The following TRABD2B variants were observed in gnomAD, a reference collection of about 807,000 sequenced individuals.
TRABD2B encodes TraB domain containing 2B.
TRABD2B carries 14 observed loss-of-function variants against 40.1 expected under a neutral mutation model. That is an observed-to-expected ratio of 0.35 (90% confidence interval 0.23 to 0.55). The LOEUF is 0.55. Among genes scored for constraint, TRABD2B ranks in the 20% least tolerant of loss-of-function variants. The probability of loss-of-function intolerance (pLI) is 0.90; values close to 1 mark genes in which losing one functional copy is unlikely to be tolerated. For missense variants in TRABD2B, 541 were observed against 648.6 expected, an observed-to-expected ratio of 0.83 and a Z score of 1.80; for synonymous variants, 263 against 277.0, an observed-to-expected ratio of 0.95 and a Z score of 0.50.
chr1:47,863,466 C>T (rs767974308), intron 2 of TRABD2B, among the ~76,000 whole-genome samples: 1 of 146,802 alleles, frequency 6.8e-6, no homozygotes, highest in Non-Finnish European at 1.5e-5. Flanking sequence ...AGACTACTCA[C>T]CAAAGAATGT....
At chr1:47,801,948 AC>A (rs1446081777) in intron 2 of TRABD2B, among the ~76,000 whole-genome samples, 1 of 151,962 alleles carries the variant, frequency 6.6e-6, no homozygotes, top group Non-Finnish European at 1.5e-5. Flanking sequence ...TTTTCTTTTG[AC>A]TCCTTTGTGT....
chr1:47,767,503 G>T (rs1453195216), intron 6 of TRABD2B, among the ~76,000 whole-genome samples: 1 of 152,194 alleles, frequency 6.6e-6, no homozygotes, highest in African/African-American at 2.4e-5. Flanking sequence ...TTAACCTTTG[G>T]ACCTCATGAC....
intron 2 of TRABD2B, among the ~76,000 whole-genome samples, chr1:47,852,570 G>A (rs942427125): frequency 5.3e-5 from 8 of 152,176 alleles, no homozygotes; most frequent in African/African-American, 1.4e-4. Flanking sequence ...AGAACTCTCC[G>A]GGAATGTCAG....
intron 2 of TRABD2B, among the ~76,000 whole-genome samples, chr1:47,814,666 T>C (rs1645006451): frequency 6.6e-6 from 1 of 152,092 alleles, no homozygotes; most frequent in South Asian, 2.1e-4. Flanking sequence ...TGAGCCCCAC[T>C]TGAGGGAGCG....
At chr1:47,780,281 G>A (rs760376349) in intron 4 of TRABD2B, among the ~76,000 whole-genome samples, 2 of 152,156 alleles carry the variant, frequency 1.3e-5, no homozygotes, top group Non-Finnish European at 2.9e-5. Context: ...ACCCTCTAAT[G>A]CCCTCAGTTT....
In TRABD2B at chr1:47,910,784, G is replaced by A. The variant is rs867730168; in HGVS notation, c.666+83250C>T. 2.6e-5 allele frequency among the ~76,000 whole-genome samples: 4 copies of A among 152,102 alleles called. No individual in the cohort carries two copies. The East Asian group carries it at 7.7e-4, about 29-fold the overall frequency. On this transcript the variant is annotated intron_variant, in intron 2 of 6. Transcript: ENST00000606738. ...TAGATTGCTCTTTTACCTGCATGTCGATTCTCTCCTTTTTCCATAGTAATA... is the reference window on the plus strand; with the variant it reads ...TAGATTGCTCTTTTACCTGCATGTCAATTCTCTCCTTTTTCCATAGTAATA...
chr1:47,960,912 T>G (rs2148404280), intron 2 of TRABD2B, among the ~76,000 whole-genome samples: 1 of 152,268 alleles, frequency 6.6e-6, no homozygotes, highest in East Asian at 1.9e-4. Context: ...AAGTCAATCC[T>G]GAGCCAAAAG....
intron 6 of TRABD2B, 65 bp from the exon 7 acceptor site, chr1:47,766,171 G>A (rs1399151237): frequency 1.4e-5 from 10 of 690,858 alleles, no homozygotes; most frequent in Non-Finnish European, 2.4e-5. Flanking sequence ...GAAGCCTTGG[G>A]GCTCAGATCT....
chr1:47,990,470 T>TC (rs993488689), intron 2 of TRABD2B, among the ~76,000 whole-genome samples: 3 of 151,962 alleles, frequency 2.0e-5, no homozygotes, highest in Admixed American at 2.0e-4. Context: ...CTCCTAATAC[T>TC]CCAACGTTCA....
chr1:47,807,182 C>G (rs553852056), intron 2 of TRABD2B, among the ~76,000 whole-genome samples: 2 of 152,310 alleles, frequency 1.3e-5, no homozygotes, highest in East Asian at 3.9e-4. Flanking sequence ...AAGACTGCCA[C>G]CCAGCCACAT....
At chr1:47,843,426 A>G (rs1268966659) in intron 2 of TRABD2B, among the ~76,000 whole-genome samples, 1 of 152,218 alleles carries the variant, frequency 6.6e-6, no homozygotes, top group Non-Finnish European at 1.5e-5. Flanking sequence ...AGGAGTCAGC[A>G]TGAGCCCCGT....
chr1:47,896,769 A>T (rs1644528303), intron 2 of TRABD2B, among the ~76,000 whole-genome samples: 1 of 152,216 alleles, frequency 6.6e-6, no homozygotes, highest in South Asian at 2.1e-4. Flanking sequence ...CTTGGGCAAG[A>T]AACTCCAACT....
At chr1:47,895,215 C>T (rs923678313) in intron 2 of TRABD2B, among the ~76,000 whole-genome samples, 1 of 152,114 alleles carries the variant, frequency 6.6e-6, no homozygotes, top group Non-Finnish European at 1.5e-5. Context: ...AGAGGATGAG[C>T]GGAGGGGACG....
intron 2 of TRABD2B, among the ~76,000 whole-genome samples, chr1:47,846,830 G>GCAGGC (rs1258636515): frequency 7.3e-6 from 1 of 137,062 alleles, no homozygotes; most frequent in Admixed American, 7.4e-5. Context: ...TTAACATAAT[G>GCAGGC]CAGGCCAGGT....
intron 2 of TRABD2B, among the ~76,000 whole-genome samples, chr1:47,957,368 G>A (rs747922529): frequency 2.0e-5 from 3 of 152,192 alleles, no homozygotes; most frequent in Non-Finnish European, 4.4e-5. Flanking sequence ...TGACTTCGAC[G>A]AGTTGAGAGA....
intron 2 of TRABD2B, among the ~76,000 whole-genome samples, chr1:47,952,681 T>C (rs6680756): frequency 0.25 from 38,189 of 152,162 alleles, 4,805 homozygotes; most frequent in Admixed American, 0.28. Context: ...CTAGACTGTG[T>C]GTCCCTCAAG....
chr1:47,993,887 G>T, intron 2 of TRABD2B, 147 bp downstream of exon 2: 1 of 781,868 alleles, frequency 1.3e-6, no homozygotes, highest in Non-Finnish European at 2.0e-6. Flanking sequence ...GCCAGGTGCT[G>T]CCTCGCTGCC....
intron 2 of TRABD2B, among the ~76,000 whole-genome samples, chr1:47,933,063 T>A (rs556005771): frequency 2.0e-5 from 3 of 151,354 alleles, no homozygotes; most frequent in Non-Finnish European, 2.9e-5. Context: ...CAGTCTCCCA[T>A]CTCCTTGGCG....
chr1:47,844,272 C>T (rs965484186), intron 2 of TRABD2B, among the ~76,000 whole-genome samples: 4 of 152,166 alleles, frequency 2.6e-5, no homozygotes, highest in Non-Finnish European at 5.9e-5. Context: ...CCGGAGCCCA[C>T]AAGAGTCGTG....
Sources: allele counts gnomAD v4.1 joint callset (sites outside exome capture counted in the v4.1 genomes callset), GRCh38; gene constraint gnomAD v4.1.1; transcripts MANE v1.5; gene names NCBI Gene and HGNC (gene_info 2026-07-23, HGNC 2026-07-21).